The following CDH12 variants were observed in gnomAD, a reference collection of about 807,000 sequenced individuals.
The protein encoded by CDH12 is cadherin-12.
CDH12 carries 41 observed loss-of-function variants against 74.1 expected under a neutral mutation model. That is an observed-to-expected ratio of 0.55 (90% CI 0.43 to 0.72). CDH12 has a LOEUF of 0.72. CDH12 is among the 30% of genes least tolerant of loss of function. CDH12 has a pLI of 0.00. For missense variants in CDH12, 945 were observed against 977.2 expected (o/e 0.97, Z 0.44); for synonymous variants, 399 against 355.0 (o/e 1.12, Z -1.39).
chr5:22,668,323 C>T (rs1740725538), intron 1 of CDH12, among the ~76,000 whole-genome samples: 1 of 152,196 alleles, frequency 6.6e-6, no homozygotes, highest in South Asian at 2.1e-4. Flanking sequence ...CAAAAAAGCA[C>T]ATGTGCACCT....
At chr5:21,965,555 A>T (rs1298502765) in intron 6 of CDH12, among the ~76,000 whole-genome samples, 1 of 150,650 alleles carries the variant, frequency 6.6e-6, no homozygotes, top group Non-Finnish European at 1.5e-5. Context: ...CCCTATTTTG[A>T]TGTTCATTTT....
At position 22,100,504 on chromosome 5, in the gene CDH12, T is replaced by C. The variant is rs138203109; in HGVS notation, c.-186-21642A>G. ...TCACGAGACATTTTTGTCCTTAGAA[T>C]TTACCTCACATTTTGATATTAAGTT... On this transcript the variant is annotated intron_variant, in intron 4 of 14. Transcript: ENST00000382254. 9.4e-4 allele frequency among the ~76,000 whole-genome samples: 143 copies of C among 152,206 alleles called. 1 individual carries two copies. The highest frequency in any genetic ancestry group is 3.3e-3 in the African/African-American group (139 of 41,530).
At chr5:21,930,370 T>C (rs1754777918) in intron 6 of CDH12, among the ~76,000 whole-genome samples, 1 of 152,158 alleles carries the variant, frequency 6.6e-6, no homozygotes, top group Admixed American at 6.5e-5. Context: ...ATATAGAGAG[T>C]GATTTTACAT....
rs146886153 is a variant in CDH12, at chr5:22,098,325, C to G, written c.-186-19463G>C. Among the ~76,000 whole-genome samples the G allele has an allele frequency of 8.0e-3, 1,225 of 152,280 alleles. 8 individuals are homozygous for G. Among genetic ancestry groups the G allele is most frequent in the African/African-American group, 0.028 (1,179 of 41,556 alleles). ...TCCATGCTGATCGTGTCCAGCTAAT[C>G]TCCCAAACCCCAATCCCTTCTACAA... On this transcript the variant is annotated intron_variant, in intron 4 of 14. Transcript: ENST00000382254.
intron 3 of CDH12, among the ~76,000 whole-genome samples, chr5:22,383,754 CT>C (rs1316051317): frequency 6.6e-6 from 1 of 152,128 alleles, no homozygotes; most frequent in Non-Finnish European, 1.5e-5. Context: ...CTTTGGGGAA[CT>C]TTTCACGTGA....
intron 5 of CDH12, among the ~76,000 whole-genome samples, chr5:22,058,767 GAAGGGAGGGAGGGAGGGAGGAA>G (rs1740944684): frequency 7.3e-6 from 1 of 137,784 alleles, no homozygotes; most frequent in Non-Finnish European, 1.6e-5. Context: ...AGGAAGGAAG[GAAGGGAGGGAGGGAGGGAGGAA>G]AAGGGAGGAA....
At chr5:22,409,575 A>T in intron 2 of CDH12, among the ~76,000 whole-genome samples, 1 of 152,094 alleles carries the variant, frequency 6.6e-6, no homozygotes, top group East Asian at 1.9e-4. Flanking sequence ...CTTTCTTGTG[A>T]CAAAAATCCA....
At chr5:21,932,271 T>A (rs1370519955) in intron 6 of CDH12, among the ~76,000 whole-genome samples, 3 of 152,214 alleles carry the variant, frequency 2.0e-5, no homozygotes, top group South Asian at 2.1e-4. Context: ...TCATACTTTT[T>A]AAAAAATTAA....
At chr5:22,755,393 T>C (rs181068779) in intron 1 of CDH12, among the ~76,000 whole-genome samples, 3 of 152,294 alleles carry the variant, frequency 2.0e-5, no homozygotes, top group Non-Finnish European at 4.4e-5. Flanking sequence ...TGTTCAGCTT[T>C]ATGAGGCTAA....
In CDH12 at chr5:22,453,375, G is replaced by A. The variant is rs77328004; in HGVS notation, c.-427-48024C>T. Among the ~76,000 whole-genome samples the A allele has an allele frequency of 9.7e-3, 1,480 of 152,188 alleles. 28 individuals are homozygous for A. The highest frequency in any genetic ancestry group is 0.034 in the African/African-American group (1,423 of 41,534). ...ATAAAGGTATGAAAACATGTTGTAT[G>A]TATACGCACAATGGAATGCTATTCA... On this transcript the variant is annotated intron_variant, in intron 2 of 14. Coordinates refer to ENST00000382254, the MANE Select transcript of CDH12 (RefSeq NM_004061.5).
chr5:22,416,109 C>G (rs1202157277), intron 2 of CDH12, among the ~76,000 whole-genome samples: 28 of 118,922 alleles, frequency 2.4e-4, no homozygotes, highest in African/African-American at 9.3e-4. Context: ...GAGTCTCGCT[C>G]TGTGGCCCAG....
chr5:22,774,968 C>T (rs906298222), intron 1 of CDH12, among the ~76,000 whole-genome samples: 10 of 151,770 alleles, frequency 6.6e-5, no homozygotes, highest in African/African-American at 2.4e-4. Flanking sequence ...TGCATATGTA[C>T]CTCCTGGTTC....
intron 4 of CDH12, among the ~76,000 whole-genome samples, chr5:22,206,583 A>C (rs1189287759): frequency 3.4e-5 from 5 of 148,826 alleles, no homozygotes; most frequent in Non-Finnish European, 5.9e-5. Context: ...GAGACCCAGG[A>C]ATCTACTTCT....
chr5:21,802,142 GA>G (rs759104387), intron 10 of CDH12, 24 bp downstream of exon 10: 91 of 1,586,578 alleles, frequency 5.7e-5, no homozygotes, highest in African/African-American at 1.9e-4. Context: ...CTGAAACATA[GA>G]AAAAAAATGT....
rs1348427982 is a variant in CDH12, at chr5:22,198,964, A to G, written c.-187+13534T>C. ...TTGTACTTAGTATGGGTCACTAGAG[A>G]GATAGAGAGAGTGAATGGTCTTTCA... On this transcript the variant is annotated intron_variant, in intron 4 of 14. Transcript: ENST00000382254. Among the ~76,000 whole-genome samples the G allele has an allele frequency of 6.6e-5, 10 of 151,966 alleles. 1 individual carries two copies. The highest frequency in any genetic ancestry group is 6.6e-4 in the Admixed American group (10 of 15,230).
intron 4 of CDH12, among the ~76,000 whole-genome samples, chr5:22,122,094 T>C (rs1421163626): frequency 6.6e-6 from 1 of 152,058 alleles, no homozygotes. Context: ...TTTTCACCAT[T>C]TTTAGCCATA....
chr5:22,765,107 C>G (rs1268717248), intron 1 of CDH12, among the ~76,000 whole-genome samples: 2 of 151,736 alleles, frequency 1.3e-5, no homozygotes, highest in Non-Finnish European at 2.9e-5. Flanking sequence ...ATTATTTATT[C>G]CTGTGATTAA....
chr5:22,472,321 A>G (rs1434534670), intron 2 of CDH12, among the ~76,000 whole-genome samples: 1 of 152,054 alleles, frequency 6.6e-6, no homozygotes, highest in Non-Finnish European at 1.5e-5. Flanking sequence ...TCATTTTTAC[A>G]AAGTTCTGAG....
intron 1 of CDH12, among the ~76,000 whole-genome samples, chr5:22,618,215 C>A (rs1737786252): frequency 6.6e-6 from 1 of 152,106 alleles, no homozygotes. Context: ...CCAGGACACA[C>A]ATGAATCCAC....
Sources: gnomAD v4.1 joint callset for allele counts (sites outside exome capture counted in the v4.1 genomes callset) on GRCh38, gnomAD v4.1.1 for gene constraint, MANE v1.5 for transcripts, NCBI Gene and HGNC (gene_info 2026-07-23, HGNC 2026-07-21) for gene names.